TCF7L2: variants seen among roughly 807,000 people sequenced by gnomAD.
TCF7L2 encodes transcription factor 7 like 2, also known as transcription factor 7-like 2.
In TCF7L2, 23 loss-of-function variants were observed where a neutral mutation model predicts 77.9. That is an observed-to-expected ratio of 0.30 (90% confidence interval 0.21 to 0.42). TCF7L2 has a LOEUF of 0.42. Among genes scored for constraint, TCF7L2 ranks in the 10% least tolerant of loss-of-function variants. The probability of loss-of-function intolerance (pLI) is 1.00; values close to 1 mark genes in which losing one functional copy is unlikely to be tolerated. For missense variants in TCF7L2, 654 were observed against 793.1 expected, an observed-to-expected ratio of 0.82 and a Z score of 2.11; for synonymous variants, 413 against 340.2, an observed-to-expected ratio of 1.21 and a Z score of -2.36.
intron 5 of TCF7L2, among the ~76,000 whole-genome samples, chr10:113,123,808 T>C (rs1002467276): frequency 7.9e-5 from 12 of 152,348 alleles, no homozygotes; most frequent in Non-Finnish European, 1.5e-4. Flanking sequence ...GACGTGCGTG[T>C]GAACAAATGG....
At chr10:113,099,977 C>T (rs1199968454) in intron 5 of TCF7L2, among the ~76,000 whole-genome samples, 1 of 152,162 alleles carries the variant, frequency 6.6e-6, no homozygotes, top group Non-Finnish European at 1.5e-5. Flanking sequence ...CACGCAAGTA[C>T]CCCAGCTTTT....
chr10:113,038,930 C>G (rs939200279), intron 4 of TCF7L2, among the ~76,000 whole-genome samples: 1 of 152,156 alleles, frequency 6.6e-6, no homozygotes, highest in African/African-American at 2.4e-5. Flanking sequence ...ATTTATTTTG[C>G]TTGAGGAGGT....
intron 4 of TCF7L2, among the ~76,000 whole-genome samples, chr10:113,018,952 G>T (rs1260049757): frequency 6.6e-6 from 1 of 152,188 alleles, no homozygotes; most frequent in African/African-American, 2.4e-5. Context: ...GAAAGTTCTT[G>T]TGGGTGTGAT....
intron 5 of TCF7L2, among the ~76,000 whole-genome samples, chr10:113,116,209 C>T (rs558213978): frequency 1.3e-5 from 2 of 152,226 alleles, no homozygotes; most frequent in South Asian, 4.2e-4. Flanking sequence ...CTTCCCCTTC[C>T]CCTTTTGTAG....
intron 3 of TCF7L2, 72 bp downstream of exon 3, chr10:112,951,679 C>T: frequency 1.1e-6 from 1 of 907,836 alleles, no homozygotes; most frequent in Non-Finnish European, 1.3e-6. Context: ...CCGCATGCGG[C>T]CCCTGCCCTG....
rs1427214163 is a variant in TCF7L2, at chr10:113,151,879, C to A, written c.1156C>A (p.Arg386=). 2 of 1,583,824 alleles carry A rather than the reference C, an allele frequency of 1.3e-6. No homozygotes were observed. The highest frequency in any genetic ancestry group is 1.7e-6 in the Non-Finnish European group (2 of 1,165,954). Residue 386 remains arginine, a synonymous_variant, in exon 10 of 14, where the codon CGG becomes AGG. Coordinates refer to ENST00000627217, the MANE Select transcript of TCF7L2 (RefSeq NM_001146274.2). This position sits in a 1 kb window ranked among gnomAD's most constrained non-coding sequence, Gnocchi z 5.2. ...CGCGGCCATCAACCAGATCCTTGGG[C>A]GGAGGGTAGGTGACGCCCTTCTCAG...
chr10:113,144,729 G>A lies in TCF7L2; in HGVS notation c.788+704G>A, dbSNP rs149012773. On this transcript the variant is annotated intron_variant, in intron 7 of 13. Transcript: ENST00000627217. ...CGTCACTGCAGCATGTGGGGCCTTC[G>A]TAAGCATCAATCCTAGCTCCTGGCA... Among the ~76,000 whole-genome samples, 136 of 152,270 alleles carry A rather than the reference G, an allele frequency of 8.9e-4. 1 individual carries two copies. The South Asian group carries it at 0.025, about 28-fold the overall frequency.
chr10:113,146,234 G>A (rs2069365120), intron 8 of TCF7L2, 137 bp downstream of exon 8: 2 of 749,152 alleles, frequency 2.7e-6, no homozygotes, highest in African/African-American at 1.8e-5. Flanking sequence ...GCATTAGGCT[G>A]TACTCCCAGA....
intron 4 of TCF7L2, among the ~76,000 whole-genome samples, chr10:113,013,248 A>T (rs2046770753): frequency 6.6e-6 from 1 of 150,914 alleles, no homozygotes. Context: ...CCTCCTGAAT[A>T]GCTGGGACTA....
At chr10:113,054,237 G>C (rs765353642) in intron 5 of TCF7L2, among the ~76,000 whole-genome samples, 3 of 152,262 alleles carry the variant, frequency 2.0e-5, no homozygotes, top group East Asian at 3.8e-4. Context: ...TTTATACCAT[G>C]TGTGTCTGCA....
intron 11 of TCF7L2, among the ~76,000 whole-genome samples, chr10:113,154,240 G>C (rs1445436997): frequency 6.6e-6 from 1 of 152,204 alleles, no homozygotes; most frequent in Non-Finnish European, 1.5e-5. Context: ...CTGAGGTGGA[G>C]ATTTCCAGTA....
intron 5 of TCF7L2, among the ~76,000 whole-genome samples, chr10:113,082,627 A>T (rs2135479707): frequency 6.6e-6 from 1 of 152,130 alleles, no homozygotes; most frequent in Non-Finnish European, 1.5e-5. Flanking sequence ...GTGCACGTGC[A>T]CACGCACATG....
At chr10:113,030,392 C>T (rs2050016349) in intron 4 of TCF7L2, among the ~76,000 whole-genome samples, 1 of 152,242 alleles carries the variant, frequency 6.6e-6, no homozygotes, top group African/African-American at 2.4e-5. Context: ...TCCTGGGCTG[C>T]TCCTTGTCTT....
At chr10:113,060,296 A>G (rs1281851601) in intron 5 of TCF7L2, among the ~76,000 whole-genome samples, 2 of 152,230 alleles carry the variant, frequency 1.3e-5, no homozygotes, top group Non-Finnish European at 2.9e-5. Context: ...GATTCGAGAA[A>G]CAAACAGCAA....
chr10:113,112,918 G>T (rs982506371), intron 5 of TCF7L2, among the ~76,000 whole-genome samples: 2 of 152,148 alleles, frequency 1.3e-5, no homozygotes, highest in Non-Finnish European at 2.9e-5. Flanking sequence ...GCTTTTCCCT[G>T]ATTATGCTTT....
intron 13 of TCF7L2, chr10:113,161,546 A>G: frequency 6.5e-7 from 1 of 1,535,922 alleles, no homozygotes; most frequent in Non-Finnish European, 8.7e-7. Context: ...ACCTTTGGTT[A>G]AATGTGTTGT....
intron 4 of TCF7L2, among the ~76,000 whole-genome samples, chr10:112,990,467 G>T (rs1302212802): frequency 7.9e-5 from 12 of 152,298 alleles, no homozygotes; most frequent in Non-Finnish European, 7.3e-5. Flanking sequence ...AGCACTTTGG[G>T]AGGCTGAGGT....
intron 5 of TCF7L2, among the ~76,000 whole-genome samples, chr10:113,105,909 G>T (rs2062242829): frequency 6.6e-6 from 1 of 152,200 alleles, no homozygotes; most frequent in Non-Finnish European, 1.5e-5. Context: ...ATTAAGAAGA[G>T]TTTGTTGTCT....
chr10:113,120,342 T>C (rs755607386), intron 5 of TCF7L2, among the ~76,000 whole-genome samples: 1 of 152,182 alleles, frequency 6.6e-6, no homozygotes, highest in African/African-American at 2.4e-5. Context: ...GTGGCTTTTA[T>C]GGAGAGCAAC....
Sources: allele counts gnomAD v4.1 joint callset (sites outside exome capture counted in the v4.1 genomes callset), GRCh38; gene constraint gnomAD v4.1.1; non-coding constraint Gnocchi (gnomAD v3.1); transcripts MANE v1.5; gene names NCBI Gene and HGNC (gene_info 2026-07-23, HGNC 2026-07-21).